Variants in PARD3B observed in about 807,000 individuals in gnomAD.
The protein encoded by PARD3B is partitioning defective 3 homolog B.
In PARD3B, 103 loss-of-function variants were observed where a neutral mutation model predicts 130.2. That is an observed-to-expected ratio of 0.79 (90% CI 0.67 to 0.93). The LOEUF is 0.93. Among genes scored for constraint, PARD3B ranks in the 40% least tolerant of loss-of-function variants. PARD3B has a pLI of 0.00. For missense variants in PARD3B, 1,609 were observed against 1,499.2 expected, an observed-to-expected ratio of 1.07 and a Z score of -1.21; for synonymous variants, 583 against 553.2, an observed-to-expected ratio of 1.05 and a Z score of -0.76.
intron 21 of PARD3B, among the ~76,000 whole-genome samples, chr2:205,535,518 G>GTAAT (rs1435022024): frequency 6.6e-6 from 1 of 152,152 alleles, no homozygotes; most frequent in East Asian, 1.9e-4. Context: ...ACTCCACACA[G>GTAAT]TAATAATACC....
intron 16 of PARD3B, among the ~76,000 whole-genome samples, chr2:205,297,709 T>C (rs1265835898): frequency 6.6e-6 from 1 of 152,166 alleles, no homozygotes; most frequent in Admixed American, 6.5e-5. Context: ...CTACATTCTG[T>C]GCATTCTCCA....
intron 2 of PARD3B, among the ~76,000 whole-genome samples, chr2:204,958,794 C>A (rs993172340): frequency 6.6e-6 from 1 of 152,154 alleles, no homozygotes; most frequent in African/African-American, 2.4e-5. Context: ...TGTTCACACA[C>A]ACTTTTACTA....
chr2:205,534,583 CT>C (rs1158356986), intron 21 of PARD3B, among the ~76,000 whole-genome samples: 1 of 152,152 alleles, frequency 6.6e-6, no homozygotes, highest in Non-Finnish European at 1.5e-5. Context: ...ATTCTCCTGC[CT>C]CAGCCTCCCA....
At chr2:204,766,996 A>ATTTTTTTAT (rs1252603346) in intron 2 of PARD3B, among the ~76,000 whole-genome samples, 12 of 76,864 alleles carry the variant, frequency 1.6e-4, no homozygotes, top group Admixed American at 2.5e-4. Flanking sequence ...TTTTTATTTT[A>ATTTTTTTAT]TTTTTTTATT....
In PARD3B at chr2:205,172,193, T is replaced by G. The variant is rs1280564046; in HGVS notation, c.1621-18T>G. 6.2e-7 allele frequency: 1 copy of G among 1,612,062 alleles called. No individual in the cohort carries two copies. Among genetic ancestry groups the G allele is most frequent in the Admixed American group, 1.7e-5 (1 of 59,964 alleles). On this transcript the variant is annotated intron_variant, in intron 11 of 22. Transcript: ENST00000406610. ...TACTTTTCTCTGTTGAATATTGTTTTCCTTTCTTCTGCCTTAGGATGGTCG... is the reference window on the plus strand; with the variant it reads ...TACTTTTCTCTGTTGAATATTGTTTGCCTTTCTTCTGCCTTAGGATGGTCG...
chr2:204,729,573 A>G (rs752848393), intron 2 of PARD3B, among the ~76,000 whole-genome samples: 1 of 152,194 alleles, frequency 6.6e-6, no homozygotes, highest in East Asian at 1.9e-4. Flanking sequence ...GTGTTAATAT[A>G]TCAATAACAT....
At chr2:205,103,489 C>T (rs1442194369) in intron 4 of PARD3B, among the ~76,000 whole-genome samples, 1 of 151,826 alleles carries the variant, frequency 6.6e-6, no homozygotes, top group East Asian at 1.9e-4. Context: ...CTCTTAAGCT[C>T]GTATGTTGTC....
At chr2:204,956,433 T>A (rs2125835708) in intron 2 of PARD3B, among the ~76,000 whole-genome samples, 1 of 152,354 alleles carries the variant, frequency 6.6e-6, no homozygotes, top group South Asian at 2.1e-4. Context: ...GTGTTGGATA[T>A]ACTTGCTTCA....
At chr2:205,271,840 A>G (rs2040738141) in intron 16 of PARD3B, among the ~76,000 whole-genome samples, 1 of 152,180 alleles carries the variant, frequency 6.6e-6, no homozygotes, top group African/African-American at 2.4e-5. Flanking sequence ...TAACAGCATA[A>G]TTAGCCTTTT....
chr2:205,045,128 T>C (rs1263854024), intron 3 of PARD3B, among the ~76,000 whole-genome samples: 1 of 150,014 alleles, frequency 6.7e-6, no homozygotes, highest in Non-Finnish European at 1.5e-5. Flanking sequence ...TTTTTTTTTT[T>C]ATGTTTCAAA....
intron 2 of PARD3B, among the ~76,000 whole-genome samples, chr2:204,767,088 C>T (rs1254476703): frequency 1.2e-4 from 13 of 111,706 alleles, no homozygotes; most frequent in East Asian, 2.7e-4. Flanking sequence ...CATGCTGGTG[C>T]GCTGCACCCA....
intron 10 of PARD3B, among the ~76,000 whole-genome samples, chr2:205,143,873 A>G (rs1363597096): frequency 2.6e-5 from 4 of 152,206 alleles, no homozygotes; most frequent in Non-Finnish European, 4.4e-5. Context: ...AGAAAATGTG[A>G]TACCTAAGAG....
At chr2:205,438,911 T>G (rs970043593) in intron 19 of PARD3B, among the ~76,000 whole-genome samples, 2 of 152,214 alleles carry the variant, frequency 1.3e-5, no homozygotes, top group African/African-American at 4.8e-5. Context: ...GCTGGGGTTT[T>G]GTTTTGGTTT....
At chr2:205,290,049 G>A (rs2041546917) in intron 16 of PARD3B, among the ~76,000 whole-genome samples, 1 of 152,212 alleles carries the variant, frequency 6.6e-6, no homozygotes, top group African/African-American at 2.4e-5. Flanking sequence ...GATTGTGCTT[G>A]TAATAGCAAT....
chr2:204,874,017 C>G (rs1028235995), intron 2 of PARD3B, among the ~76,000 whole-genome samples: 4 of 152,048 alleles, frequency 2.6e-5, no homozygotes, highest in African/African-American at 9.7e-5. Flanking sequence ...GTGGCGGGTA[C>G]CTGTAATCCC....
In PARD3B at chr2:205,121,949, G is replaced by T; in HGVS notation, c.1165G>T (p.Gly389Cys). ...GAAAATTAAGATTGACCTAAAGAAAGGTAATTATTAAATTATGCCTAATAG... is the reference window on the plus strand; with the variant it reads ...GAAAATTAAGATTGACCTAAAGAAATGTAATTATTAAATTATGCCTAATAG... ...AKKIKIDLKK[G>C]PEGLGFTVVT... Residue 389 changes from glycine to cysteine, a missense_variant and splice_region_variant, in exon 8 of 23, where the codon GGC (glycine) becomes TGC (cysteine). Transcript: ENST00000406610. The surrounding 1 kb of genome is among the most constrained non-coding windows in gnomAD (Gnocchi z 5.0). 5.0e-6 allele frequency: 8 copies of T among 1,594,650 alleles called. No homozygotes were observed. Among genetic ancestry groups the T allele is most frequent in the Non-Finnish European group, 6.9e-6 (8 of 1,167,696 alleles).
chr2:205,118,928 G>A lies in PARD3B; in HGVS notation c.688G>A (p.Gly230Arg). The A allele has an allele frequency of 5.6e-6, 9 of 1,596,298 alleles. No individual in the cohort carries two copies. The highest frequency in any genetic ancestry group is 7.7e-6 in the Non-Finnish European group (9 of 1,172,756). ...TCTAAATTTTGCATTTAGGATTCTA[G>A]GACTCTTCATCCGAGGCATTGAAGA... ...FFSSLSGRIL[G>R]LFIRGIEDNS... Residue 230 changes from glycine (G) to arginine (R), a missense_variant, in exon 7 of 23, where the codon GGA (glycine) becomes AGA (arginine). Physicochemically the swap from Gly to Arg is moderately radical, Grantham distance 125. Transcript: ENST00000406610.
intron 15 of PARD3B, among the ~76,000 whole-genome samples, chr2:205,213,255 A>C (rs1180452435): frequency 1.3e-5 from 2 of 152,094 alleles, no homozygotes; most frequent in African/African-American, 2.4e-5. Context: ...TTCCTAAAGC[A>C]GTAACTATTG....
intron 16 of PARD3B, among the ~76,000 whole-genome samples, chr2:205,252,770 C>G (rs2039904180): frequency 7.2e-6 from 1 of 138,962 alleles, no homozygotes; most frequent in Non-Finnish European, 1.5e-5. Context: ...ATAATCTAAA[C>G]AGATTAAATA....
Sources: allele counts gnomAD v4.1 joint callset (sites outside exome capture counted in the v4.1 genomes callset), GRCh38; gene constraint gnomAD v4.1.1; non-coding constraint Gnocchi (gnomAD v3.1); transcripts MANE v1.5; gene names NCBI Gene and HGNC (gene_info 2026-07-23, HGNC 2026-07-21).